RBMS3: variants seen among roughly 807,000 people sequenced by gnomAD.
RBMS3 encodes the protein RNA binding motif single stranded interacting protein 3.
A neutral mutation model predicts 66.8 loss-of-function variants in RBMS3; 27 were observed. That is an observed-to-expected ratio of 0.40 (90% CI 0.30 to 0.56). RBMS3 has a LOEUF of 0.56. RBMS3 is among the 20% of genes least tolerant of loss of function. The probability of loss-of-function intolerance (pLI) is 0.40; values close to 1 mark genes in which losing one functional copy is unlikely to be tolerated. For missense variants in RBMS3, 513 were observed against 549.5 expected (o/e 0.93, Z 0.66); for synonymous variants, 188 against 183.0 (o/e 1.03, Z -0.22).
intron 4 of RBMS3, among the ~76,000 whole-genome samples, chr3:29,676,140 C>A (rs1426412498): frequency 6.6e-6 from 1 of 152,110 alleles, no homozygotes. Flanking sequence ...ATGGATGAAG[C>A]TGGAAACCAT....
At chr3:29,865,560 C>A (rs2059339407) in intron 6 of RBMS3, among the ~76,000 whole-genome samples, 1 of 152,154 alleles carries the variant, frequency 6.6e-6, no homozygotes, top group Non-Finnish European at 1.5e-5. Flanking sequence ...ACAAAATAAG[C>A]AAGTTGGTCT....
At chr3:29,550,722 T>C (rs571365790) in intron 3 of RBMS3, among the ~76,000 whole-genome samples, 1 of 152,284 alleles carries the variant, frequency 6.6e-6, no homozygotes, top group African/African-American at 2.4e-5. Context: ...TTATCTGAAA[T>C]TTAAGTTTAA....
intron 1 of RBMS3, among the ~76,000 whole-genome samples, chr3:29,322,573 A>G (rs904021690): frequency 6.6e-6 from 1 of 152,044 alleles, no homozygotes; most frequent in Admixed American, 6.6e-5. Flanking sequence ...GTTCTTTTAA[A>G]GTACCTAGTC....
At chr3:29,563,943 G>T (rs1576238042) in intron 3 of RBMS3, among the ~76,000 whole-genome samples, 1 of 149,988 alleles carries the variant, frequency 6.7e-6, no homozygotes, top group African/African-American at 2.5e-5. Context: ...TTTGAGCCTG[G>T]AAGATTGAGG....
chr3:29,639,812 T>G (rs2049627100), intron 4 of RBMS3, among the ~76,000 whole-genome samples: 1 of 151,878 alleles, frequency 6.6e-6, no homozygotes, highest in Middle Eastern at 3.2e-3. Context: ...TGGTTTTTCT[T>G]GGAAGAAGGC....
chr3:29,517,707 A>G (rs571215749), intron 3 of RBMS3, among the ~76,000 whole-genome samples: 1 of 152,220 alleles, frequency 6.6e-6, no homozygotes, highest in East Asian at 1.9e-4. Flanking sequence ...TTCTAGACCT[A>G]GGGGGAATAC....
chr3:29,300,929 C>T (rs1034058341), intron 1 of RBMS3, among the ~76,000 whole-genome samples: 1 of 151,850 alleles, frequency 6.6e-6, no homozygotes, highest in African/African-American at 2.4e-5. Flanking sequence ...TTTAGGAAAT[C>T]AAGGTAACCC....
intron 3 of RBMS3, among the ~76,000 whole-genome samples, chr3:29,558,735 C>T (rs1461233688): frequency 6.6e-6 from 1 of 152,050 alleles, no homozygotes; most frequent in Non-Finnish European, 1.5e-5. Flanking sequence ...AAGGTATAAG[C>T]ATCACAACTA....
intron 3 of RBMS3, among the ~76,000 whole-genome samples, chr3:29,496,846 A>T (rs1007483351): frequency 2.6e-5 from 4 of 152,182 alleles, no homozygotes; most frequent in African/African-American, 9.7e-5. Flanking sequence ...ATTTGCTTGT[A>T]ATCACTTAAT....
intron 4 of RBMS3, among the ~76,000 whole-genome samples, chr3:29,666,767 T>A (rs1205787431): frequency 2.0e-5 from 3 of 152,142 alleles, no homozygotes; most frequent in Non-Finnish European, 4.4e-5. Flanking sequence ...ATATTTAATT[T>A]TTAAAAAATA....
chr3:29,854,327 G>A (rs769359832), intron 6 of RBMS3, among the ~76,000 whole-genome samples: 1 of 152,148 alleles, frequency 6.6e-6, no homozygotes, highest in Non-Finnish European at 1.5e-5. Flanking sequence ...CTAACTATTT[G>A]TATATATAAC....
intron 6 of RBMS3, among the ~76,000 whole-genome samples, chr3:29,814,908 C>G (rs1051222557): frequency 9.9e-5 from 15 of 152,168 alleles, no homozygotes; most frequent in Non-Finnish European, 1.8e-4. Context: ...ACATGGCCCT[C>G]TCATCTGCTC....
At chr3:29,580,240 C>A (rs1261130768) in intron 3 of RBMS3, among the ~76,000 whole-genome samples, 1 of 152,156 alleles carries the variant, frequency 6.6e-6, no homozygotes, top group Non-Finnish European at 1.5e-5. Context: ...CTGGAAGAAA[C>A]AGTTGCCATT....
intron 6 of RBMS3, among the ~76,000 whole-genome samples, chr3:29,783,647 AG>A (rs2056718829): frequency 6.6e-6 from 1 of 151,950 alleles, no homozygotes; most frequent in Non-Finnish European, 1.5e-5. Context: ...ATTAAAAAAA[AG>A]TATTTAGTCA....
intron 3 of RBMS3, among the ~76,000 whole-genome samples, chr3:29,553,670 G>C (rs2046249624): frequency 6.6e-6 from 1 of 151,974 alleles, no homozygotes; most frequent in Admixed American, 6.6e-5. Context: ...ATGCACCAGT[G>C]TACCATCACA....
chr3:29,431,296 C>CTTTTTTT (rs1375213536), intron 1 of RBMS3, among the ~76,000 whole-genome samples: 2 of 94,768 alleles, frequency 2.1e-5, no homozygotes, highest in African/African-American at 5.2e-5. Flanking sequence ...TTTCTTTTTC[C>CTTTTTTT]TTTTCTTTTT....
intron 1 of RBMS3, among the ~76,000 whole-genome samples, chr3:29,321,327 G>C (rs1236192148): frequency 5.3e-5 from 8 of 152,002 alleles, no homozygotes. Context: ...CATTTTTACT[G>C]TTTTCCATTT....
chr3:29,920,974 G>A (rs1283683704), intron 10 of RBMS3, among the ~76,000 whole-genome samples: 1 of 152,022 alleles, frequency 6.6e-6, no homozygotes, highest in Admixed American at 6.5e-5. Flanking sequence ...TTAAAAGGAA[G>A]GTCTTATACC....
chr3:29,554,270 G>T (rs1229469143), intron 3 of RBMS3, among the ~76,000 whole-genome samples: 1 of 152,150 alleles, frequency 6.6e-6, no homozygotes, highest in Non-Finnish European at 1.5e-5. Flanking sequence ...CCAATGAATT[G>T]ATGTGCTATC....
Sources: gnomAD v4.1 joint callset for allele counts (sites outside exome capture counted in the v4.1 genomes callset) on GRCh38, gnomAD v4.1.1 for gene constraint, MANE v1.5 for transcripts, NCBI Gene and HGNC (gene_info 2026-07-23, HGNC 2026-07-21) for gene names.